ARHGEF7: variants seen among roughly 807,000 people sequenced by gnomAD.
ARHGEF7 encodes the protein Rho guanine nucleotide exchange factor 7.
A neutral mutation model predicts 109.8 loss-of-function variants in ARHGEF7; 33 were observed. The ratio of observed to expected loss-of-function variants is 0.30; its 90% CI spans 0.23 to 0.40. The LOEUF (loss-of-function observed/expected upper bound fraction) is 0.40. Ranked by LOEUF, ARHGEF7 falls within the 10% of genes least tolerant of loss-of-function variation. The probability of loss-of-function intolerance (pLI) is 1.00; values close to 1 mark genes in which losing one functional copy is unlikely to be tolerated. For synonymous variants in ARHGEF7, 458 were observed against 424.6 expected (o/e 1.08, Z -0.97); for missense variants, 938 against 1,098.5 (o/e 0.85, Z 2.07).
intron 8 of ARHGEF7, among the ~76,000 whole-genome samples, chr13:111,261,980 G>T (rs936858974): frequency 6.6e-6 from 1 of 152,188 alleles, no homozygotes; most frequent in African/African-American, 2.4e-5. Context: ...TTAAGAGGAA[G>T]TTTGTAGCTG....
chr13:111,293,377 T>G, intron 19 of ARHGEF7: 1 of 985,220 alleles, frequency 1.0e-6, no homozygotes, highest in Non-Finnish European at 1.2e-6. Flanking sequence ...AATGCCTCAT[T>G]GTAATGGGAT....
At chr13:111,183,927 G>A (rs900556505) in intron 2 of ARHGEF7, among the ~76,000 whole-genome samples, 1 of 152,160 alleles carries the variant, frequency 6.6e-6, no homozygotes, top group Non-Finnish European at 1.5e-5. Flanking sequence ...GGGGTCACTT[G>A]CTTATGGCCG....
chr13:111,169,682 A>G (rs2077422939), intron 2 of ARHGEF7, among the ~76,000 whole-genome samples: 2 of 152,138 alleles, frequency 1.3e-5, no homozygotes, highest in African/African-American at 4.8e-5. Flanking sequence ...TTATTGGAAG[A>G]TTTTTTGGTG....
chr13:111,278,843 G>T (rs2092631171), intron 13 of ARHGEF7, among the ~76,000 whole-genome samples: 3 of 152,356 alleles, frequency 2.0e-5, no homozygotes, highest in Admixed American at 1.3e-4. Context: ...AGAAGAGGTT[G>T]TCACTTGTGG....
intron 8 of ARHGEF7, among the ~76,000 whole-genome samples, chr13:111,247,876 C>T (rs1240985206): frequency 2.6e-5 from 4 of 152,216 alleles, no homozygotes; most frequent in African/African-American, 4.8e-5. Flanking sequence ...AGAAAGTTGG[C>T]TGACCCCCAG....
intron 2 of ARHGEF7, among the ~76,000 whole-genome samples, chr13:111,193,217 A>G (rs1001805389): frequency 1.5e-4 from 23 of 152,220 alleles, no homozygotes; most frequent in African/African-American, 1.9e-4. Context: ...AGGGGAGACA[A>G]CTATGCCCCC....
At chr13:111,302,002 ACT>A (rs1206413013) in intron 21 of ARHGEF7, among the ~76,000 whole-genome samples, 1 of 151,828 alleles carries the variant, frequency 6.6e-6, no homozygotes, top group East Asian at 1.9e-4. Flanking sequence ...ACTTGTTTAA[ACT>A]CTTTTTTTTT....
intron 2 of ARHGEF7, among the ~76,000 whole-genome samples, chr13:111,155,599 T>G (rs552446644): frequency 6.6e-6 from 1 of 152,362 alleles, no homozygotes; most frequent in South Asian, 2.1e-4. Context: ...GCTGCCTTAT[T>G]GGCTGTGATA....
intron 1 of ARHGEF7, among the ~76,000 whole-genome samples, chr13:111,134,039 G>A (rs147518669): frequency 0.03 from 4,478 of 150,532 alleles, 212 homozygotes; most frequent in African/African-American, 0.1. Flanking sequence ...GAGAACATGC[G>A]GTGTTTGGTT....
intron 2 of ARHGEF7, among the ~76,000 whole-genome samples, chr13:111,154,940 C>T (rs1595114716): frequency 6.6e-6 from 1 of 151,944 alleles, no homozygotes; most frequent in South Asian, 2.1e-4. Flanking sequence ...CCCTCCGTAT[C>T]CAAGGTTACC....
At chr13:111,135,876 T>G (rs1044137160) in intron 1 of ARHGEF7, among the ~76,000 whole-genome samples, 1 of 152,206 alleles carries the variant, frequency 6.6e-6, no homozygotes, top group South Asian at 2.1e-4. Context: ...CTTGTGCCAG[T>G]TTTCCAAGGG....
chr13:111,119,991 C>T (rs9669957), intron 1 of ARHGEF7, among the ~76,000 whole-genome samples: 1,614 of 152,300 alleles, frequency 0.011, 30 homozygotes, highest in African/African-American at 0.032. Flanking sequence ...AATATGGTAT[C>T]TCCAGACTGT....
chr13:111,300,035 T>C (rs1254474045), intron 19 of ARHGEF7, among the ~76,000 whole-genome samples: 4 of 152,236 alleles, frequency 2.6e-5, no homozygotes, highest in Admixed American at 1.3e-4. Context: ...TAAATACAAT[T>C]TGATTCTCTT....
chr13:111,241,379 G>C, intron 6 of ARHGEF7: 1 of 1,533,252 alleles, frequency 6.5e-7, no homozygotes, highest in Middle Eastern at 1.7e-4. Flanking sequence ...AGGAAGGCCA[G>C]CAACCTCCTG....
At chr13:111,251,841 C>T (rs575512627) in intron 8 of ARHGEF7, among the ~76,000 whole-genome samples, 1 of 152,352 alleles carries the variant, frequency 6.6e-6, no homozygotes, top group Admixed American at 6.5e-5. Flanking sequence ...AAGTGTGGGT[C>T]ACCACCTTCA....
At chr13:111,133,779 AT>A (rs772044155) in intron 1 of ARHGEF7, among the ~76,000 whole-genome samples, 4,080 of 35,954 alleles carry the variant, frequency 0.11, 399 homozygotes, top group Admixed American at 0.16. Context: ...ATATATATAT[AT>A]ATATATATAT....
chr13:111,261,933 A>G (rs1214533457), intron 8 of ARHGEF7, among the ~76,000 whole-genome samples: 1 of 152,208 alleles, frequency 6.6e-6, no homozygotes, highest in Non-Finnish European at 1.5e-5. Context: ...GTGGAAACAC[A>G]GCATACCAAA....
At chr13:111,203,192 C>T in intron 2 of ARHGEF7, 1 of 943,292 alleles carries the variant, frequency 1.1e-6, no homozygotes, top group Non-Finnish European at 1.4e-6. Context: ...CTTGAATTTT[C>T]AGAGCACTAA....
chr13:111,153,941 A>AGCAACATCCGCGAGTTCCTGC lies in ARHGEF7; in HGVS notation c.205_225dup (p.Asn69_Arg75dup). The AGCAACATCCGCGAGTTCCTGC allele has an allele frequency of 1.9e-6, 3 of 1,605,676 alleles. No individual in the cohort carries two copies. The highest frequency in any genetic ancestry group is 1.7e-5 in the Admixed American group (1 of 59,708). On this transcript the variant is annotated inframe_insertion, in exon 2 of 22. Transcript: ENST00000646102. ...GCCCCGGAGCGAGAGCGAGTGCCTG[A>AGCAACATCCGCGAGTTCCTGC]GCAACATCCGCGAGTTCCTGCGCGG...
Sources: allele counts gnomAD v4.1 joint callset (sites outside exome capture counted in the v4.1 genomes callset), GRCh38; gene constraint gnomAD v4.1.1; transcripts MANE v1.5; gene names NCBI Gene and HGNC (gene_info 2026-07-23, HGNC 2026-07-21).